The following ANKHD1 variants were observed in gnomAD, a reference collection of about 807,000 sequenced individuals.
The protein encoded by ANKHD1 is ankyrin repeat and KH domain-containing protein 1.
Under a neutral mutation model 230.5 loss-of-function variants are expected in ANKHD1, and 31 were observed. That is an observed-to-expected ratio of 0.13 (90% CI 0.10 to 0.18). The LOEUF (loss-of-function observed/expected upper bound fraction) is 0.18. ANKHD1 is among the 10% of genes least tolerant of loss of function. The pLI, the probability that ANKHD1 is intolerant of heterozygous loss-of-function variation, is 1.00. For synonymous variants in ANKHD1, 1,074 were observed against 1,117.6 expected, an observed-to-expected ratio of 0.96 and a Z score of 0.78; for missense variants, 2,256 against 3,071.3, an observed-to-expected ratio of 0.73 and a Z score of 6.27.
intron 10 of ANKHD1, among the ~76,000 whole-genome samples, chr5:140,478,252 T>C (rs1291132027): frequency 6.6e-6 from 1 of 151,508 alleles, no homozygotes; most frequent in Non-Finnish European, 1.5e-5. Context: ...GAAAATAATT[T>C]TAAAAAGAGA....
At chr5:140,478,007 G>A (rs1179197863) in intron 10 of ANKHD1, among the ~76,000 whole-genome samples, 1 of 152,170 alleles carries the variant, frequency 6.6e-6, no homozygotes, top group Non-Finnish European at 1.5e-5. Context: ...AACTTGGGTA[G>A]GGAGAATATA....
intron 10 of ANKHD1, chr5:140,465,320 C>T (rs1262658012): frequency 6.6e-6 from 1 of 152,184 alleles, no homozygotes; most frequent in Non-Finnish European, 1.5e-5. Context: ...CCTTCTAGTA[C>T]ATTCCTACAA....
At chr5:140,486,310 C>T (rs1581325351) in intron 13 of ANKHD1, among the ~76,000 whole-genome samples, 1 of 152,286 alleles carries the variant, frequency 6.6e-6, no homozygotes, top group African/African-American at 2.4e-5. Context: ...GGCGATCTAC[C>T]TGCCTCGGCC....
intron 14 of ANKHD1, among the ~76,000 whole-genome samples, chr5:140,490,623 T>A (rs1751730443): frequency 6.6e-6 from 1 of 152,238 alleles, no homozygotes. Flanking sequence ...AAAGGATACA[T>A]AAGTAATGTA....
chr5:140,478,243 A>C (rs1751073124), intron 10 of ANKHD1, among the ~76,000 whole-genome samples: 1 of 152,064 alleles, frequency 6.6e-6, no homozygotes, highest in Admixed American at 6.6e-5. Flanking sequence ...AACACAATAG[A>C]AAATAATTTT....
chr5:140,423,168 G>T (rs1289553315), intron 1 of ANKHD1, among the ~76,000 whole-genome samples: 1 of 152,110 alleles, frequency 6.6e-6, no homozygotes, highest in African/African-American at 2.4e-5. Flanking sequence ...AAACTGCTGG[G>T]ATTACAGGCA....
chr5:140,470,397 G>A (rs891186291), intron 10 of ANKHD1, among the ~76,000 whole-genome samples: 4 of 150,476 alleles, frequency 2.7e-5, no homozygotes, highest in Admixed American at 2.6e-4. Flanking sequence ...TTTTTTTAAA[G>A]GAAGGTTTCT....
chr5:140,526,561 TTATC>T, intron 26 of ANKHD1, 118 bp downstream of exon 26: 5 of 1,288,164 alleles, frequency 3.9e-6, no homozygotes, highest in Non-Finnish European at 5.2e-6. Flanking sequence ...GTCTACCACA[TTATC>T]TATCTTCAAT....
intron 1 of ANKHD1, among the ~76,000 whole-genome samples, chr5:140,402,693 G>C (rs965253519): frequency 2.0e-5 from 3 of 152,330 alleles, no homozygotes; most frequent in Admixed American, 2.0e-4. Context: ...AGAGTTGAGG[G>C]ATACGTTTAT....
intron 20 of ANKHD1, 74 bp downstream of exon 20, chr5:140,508,072 A>C (rs2127055751): frequency 6.6e-7 from 1 of 1,504,730 alleles, no homozygotes; most frequent in Non-Finnish European, 8.9e-7. Flanking sequence ...ACGCAAATTG[A>C]ATATAATATT....
chr5:140,447,219 T>G (rs1774353927), intron 6 of ANKHD1, among the ~76,000 whole-genome samples: 2 of 151,934 alleles, frequency 1.3e-5, no homozygotes, highest in South Asian at 4.2e-4. Flanking sequence ...TTATTATTTT[T>G]AGAGACAGGG....
At chr5:140,406,973 C>G (rs1327900613) in intron 1 of ANKHD1, among the ~76,000 whole-genome samples, 1 of 152,030 alleles carries the variant, frequency 6.6e-6, no homozygotes, top group South Asian at 2.1e-4. Context: ...TATCCATGTT[C>G]AGAATAGAAG....
intron 10 of ANKHD1, among the ~76,000 whole-genome samples, chr5:140,465,850 G>C (rs976234612): frequency 3.9e-5 from 6 of 152,102 alleles, no homozygotes; most frequent in Admixed American, 1.3e-4. Flanking sequence ...AGCAATATAT[G>C]TTAAGTACAT....
At chr5:140,427,645 G>A (rs1772614621) in intron 1 of ANKHD1, among the ~76,000 whole-genome samples, 2 of 145,772 alleles carry the variant, frequency 1.4e-5, no homozygotes, top group South Asian at 4.3e-4. Flanking sequence ...CCGGGCGGGG[G>A]GCTGACCCCC....
intron 30 of ANKHD1, 35 bp from the exon 31 acceptor site, chr5:140,537,354 A>G: frequency 6.2e-7 from 1 of 1,609,950 alleles, no homozygotes; most frequent in Non-Finnish European, 8.5e-7. Context: ...CTCCTATTCC[A>G]TCTGTTTCTT....
chr5:140,409,111 C>G (rs1316748298), intron 1 of ANKHD1, among the ~76,000 whole-genome samples: 1 of 152,142 alleles, frequency 6.6e-6, no homozygotes, highest in East Asian at 1.9e-4. Context: ...AGCTACCGGT[C>G]TAGAGGCCAC....
intron 17 of ANKHD1, 72 bp downstream of exon 17, chr5:140,505,305 A>G: frequency 6.7e-7 from 1 of 1,481,606 alleles, no homozygotes; most frequent in East Asian, 2.4e-5. Context: ...ATTATTGATA[A>G]ATAGTTCCTA....
chr5:140,457,606 A>G (rs930611920), intron 7 of ANKHD1, among the ~76,000 whole-genome samples: 1 of 152,162 alleles, frequency 6.6e-6, no homozygotes, highest in Non-Finnish European at 1.5e-5. Context: ...TCACAAGAAC[A>G]AAAAACCAGA....
chr5:140,503,569 T>C (rs937903399), intron 15 of ANKHD1, among the ~76,000 whole-genome samples: 18 of 128,466 alleles, frequency 1.4e-4, no homozygotes, highest in South Asian at 8.2e-4. Flanking sequence ...TTTTTTTTTT[T>C]TTTTTTTTTT....
Sources: allele counts gnomAD v4.1 joint callset (sites outside exome capture counted in the v4.1 genomes callset), GRCh38; gene constraint gnomAD v4.1.1; transcripts MANE v1.5; gene names NCBI Gene and HGNC (gene_info 2026-07-23, HGNC 2026-07-21).